Variants in LMBRD1 observed in about 807,000 individuals in gnomAD.
LMBRD1 encodes lysosomal cobalamin transport escort protein LMBD1.
In LMBRD1, 64 loss-of-function variants were observed where a neutral mutation model predicts 74.8. The observed-to-expected ratio is 0.86, with a 90% CI of 0.70 to 1.05. LMBRD1 has a LOEUF of 1.05. LMBRD1 is among the 50% of genes least tolerant of loss of function. The pLI is 0.00. For missense variants in LMBRD1, 652 were observed against 645.9 expected, an observed-to-expected ratio of 1.01 and a Z score of -0.10; for synonymous variants, 204 against 216.3, an observed-to-expected ratio of 0.94 and a Z score of 0.50.
chr6:69,743,070 A>G (rs1254779668), intron 5 of LMBRD1, among the ~76,000 whole-genome samples: 1 of 152,192 alleles, frequency 6.6e-6, no homozygotes, highest in Non-Finnish European at 1.5e-5. Flanking sequence ...TGTGGAATCA[A>G]GAAATAAAAT....
chr6:69,759,567 TGAAA>T (rs1360015789), intron 3 of LMBRD1, among the ~76,000 whole-genome samples: 1 of 152,036 alleles, frequency 6.6e-6, no homozygotes, highest in Non-Finnish European at 1.5e-5. Flanking sequence ...ATATACCACT[TGAAA>T]GAATAAACCA....
chr6:69,760,283 T>C lies in LMBRD1; in HGVS notation c.308-7927A>G, dbSNP rs562299031. ...AATGAAATTATACTTTCTTCAATAA[T>C]CTGTATAAATGTCTAGAACATGAAG... On this transcript the variant is annotated intron_variant, in intron 3 of 15. Transcript: ENST00000649934. 3.9e-5 allele frequency among the ~76,000 whole-genome samples: 6 copies of C among 152,282 alleles called. No homozygotes were observed. In the South Asian group the frequency reaches 1.0e-3, roughly 26 times the overall value.
Position 69,792,522 on chromosome 6 carries a change from A to C in LMBRD1, c.70-2050T>G, listed in dbSNP as rs562657772. Among the ~76,000 whole-genome samples, 38 of 152,368 alleles carry C rather than the reference A, an allele frequency of 2.5e-4. No individual in the cohort carries two copies. The South Asian group carries it at 7.2e-3, about 29-fold the overall frequency. ...TGCTGGCCTTTCAACTGGTGACAGAATAGCAGGAAAGAATTGACTGAGAAG... is the reference window on the plus strand; with the variant it reads ...TGCTGGCCTTTCAACTGGTGACAGACTAGCAGGAAAGAATTGACTGAGAAG... On this transcript the variant is annotated intron_variant, in intron 1 of 15. Transcript: ENST00000649934.
intron 3 of LMBRD1, among the ~76,000 whole-genome samples, chr6:69,776,972 C>T (rs1765718639): frequency 1.3e-5 from 2 of 151,950 alleles, no homozygotes; most frequent in Non-Finnish European, 2.9e-5. Flanking sequence ...CATGGCAAAA[C>T]CCCATCTCTA....
intron 14 of LMBRD1, among the ~76,000 whole-genome samples, chr6:69,677,978 C>T: frequency 6.6e-6 from 1 of 152,074 alleles, no homozygotes; most frequent in Non-Finnish European, 1.5e-5. Context: ...TTCAGAGAGG[C>T]CTGTGGCAAC....
intron 14 of LMBRD1, among the ~76,000 whole-genome samples, chr6:69,690,778 G>GA (rs1043745967): frequency 6.6e-6 from 1 of 151,798 alleles, no homozygotes; most frequent in Non-Finnish European, 1.5e-5. Flanking sequence ...AAAAATTTAA[G>GA]AAAAAAATTC....
rs923952077 is a variant in LMBRD1 at position 69,674,899 on chromosome 6, T to G, written c.*1259A>C. Among the ~76,000 whole-genome samples, 5 of 151,788 alleles carry G rather than the reference T, an allele frequency of 3.3e-5. No individual in the cohort carries two copies. Among genetic ancestry groups the G allele is most frequent in the Non-Finnish European group, 5.9e-5 (4 of 67,906 alleles). On this transcript the variant is annotated 3_prime_UTR_variant, in exon 16 of 16. Transcript: ENST00000649934. ...GAGGCAGGAGAATTGCTTGAATGCA[T>G]GAAGGGGAGGTTGCAGTGAGCTGAG...
chr6:69,738,599 T>TACACACAC (rs3217690), intron 6 of LMBRD1, among the ~76,000 whole-genome samples: 175 of 145,316 alleles, frequency 1.2e-3, no homozygotes, highest in African/African-American at 3.8e-3. Flanking sequence ...GGTTTAAAAA[T>TACACACAC]ACACACACAC....
intron 8 of LMBRD1, among the ~76,000 whole-genome samples, chr6:69,714,610 T>C (rs1766452266): frequency 6.6e-6 from 1 of 152,162 alleles, no homozygotes; most frequent in South Asian, 2.1e-4. Flanking sequence ...AGTGTAGATA[T>C]ATTAGGTATC....
intron 7 of LMBRD1, among the ~76,000 whole-genome samples, chr6:69,729,689 AAG>A (rs1300283119): frequency 6.6e-6 from 1 of 152,046 alleles, no homozygotes; most frequent in African/African-American, 2.4e-5. Flanking sequence ...TAAAATAAAA[AAG>A]TTTCTGGTAA....
intron 7 of LMBRD1, among the ~76,000 whole-genome samples, chr6:69,722,584 G>A (rs1246411607): frequency 6.6e-6 from 1 of 150,376 alleles, no homozygotes; most frequent in African/African-American, 2.5e-5. Context: ...TTCTTTTTGT[G>A]TGTTTGTATA....
At chr6:69,700,961 CCGGCAA>C in intron 11 of LMBRD1, 92 bp from the exon 12 acceptor site, 1 of 885,860 alleles carries the variant, frequency 1.1e-6, no homozygotes. Flanking sequence ...TTATTCTCAT[CCGGCAA>C]ATGTTTACAG....
intron 8 of LMBRD1, 78 bp downstream of exon 8, chr6:69,718,878 A>G: frequency 6.8e-7 from 1 of 1,481,426 alleles, no homozygotes; most frequent in Non-Finnish European, 9.4e-7. Flanking sequence ...GGGGTTGACA[A>G]TGTCTAAGTC....
At chr6:69,681,197 A>T (rs911908723) in intron 14 of LMBRD1, among the ~76,000 whole-genome samples, 14 of 152,032 alleles carry the variant, frequency 9.2e-5, no homozygotes, top group African/African-American at 2.7e-4. Flanking sequence ...AAGTGGCCAT[A>T]CAAAAAAGAA....
chr6:69,778,530 C>T (rs1291828841), intron 3 of LMBRD1, among the ~76,000 whole-genome samples: 1 of 152,114 alleles, frequency 6.6e-6, no homozygotes, highest in Non-Finnish European at 1.5e-5. Context: ...CTAGGTTCAA[C>T]GATAAGATAC....
At chr6:69,723,759 G>T (rs1348028547) in intron 7 of LMBRD1, among the ~76,000 whole-genome samples, 1 of 150,872 alleles carries the variant, frequency 6.6e-6, no homozygotes, top group Non-Finnish European at 1.5e-5. Context: ...GCATTTTAAA[G>T]AAATGAAAAA....
chr6:69,767,398 T>A (rs1582140983), intron 3 of LMBRD1, among the ~76,000 whole-genome samples: 1 of 151,778 alleles, frequency 6.6e-6, no homozygotes. Context: ...GTTACATTTT[T>A]ATTTTCATTC....
At chr6:69,738,629 CA>C (rs959696915) in intron 6 of LMBRD1, among the ~76,000 whole-genome samples, 1 of 149,346 alleles carries the variant, frequency 6.7e-6, no homozygotes, top group Admixed American at 6.6e-5. Flanking sequence ...CACACACACA[CA>C]AAATACTATG....
chr6:69,780,414 C>T, intron 3 of LMBRD1, 80 bp downstream of exon 3: 1 of 1,045,412 alleles, frequency 9.6e-7, no homozygotes, highest in East Asian at 2.4e-5. Context: ...GAGGAAGAAC[C>T]TGGGGTTCTC....
Sources: allele counts gnomAD v4.1 joint callset (sites outside exome capture counted in the v4.1 genomes callset), GRCh38; gene constraint gnomAD v4.1.1; transcripts MANE v1.5; gene names NCBI Gene and HGNC (gene_info 2026-07-23, HGNC 2026-07-21).